Variants in ENAH observed in about 807,000 individuals in gnomAD.
ENAH encodes the protein protein enabled homolog.
A neutral mutation model predicts 78.7 loss-of-function variants in ENAH; 23 were observed. The ratio of observed to expected loss-of-function variants is 0.29; its 90% CI spans 0.21 to 0.41. The LOEUF is 0.41. Among genes scored for constraint, ENAH ranks in the 10% least tolerant of loss-of-function variants. The pLI is 1.00. For missense variants in ENAH, 544 were observed against 691.0 expected (o/e 0.79, Z 2.39); for synonymous variants, 226 against 241.0 (o/e 0.94, Z 0.58).
intron 4 of ENAH, among the ~76,000 whole-genome samples, chr1:225,529,864 G>A (rs2096529294): frequency 6.6e-6 from 1 of 152,152 alleles, no homozygotes; most frequent in African/African-American, 2.4e-5. Flanking sequence ...CTCCTCCCCT[G>A]TCCTCCCCAA....
rs1279574660 is a variant in ENAH, at chr1:225,567,254, G to A, written c.166C>T (p.His56Tyr). The change falls in exon 2 of 14, where the codon CAT becomes TAT. Residue 56 changes from histidine to tyrosine, a missense_variant. By Grantham distance (83) the His-to-Tyr change is moderately conservative. Coordinates refer to ENST00000366843, the MANE Select transcript of ENAH (RefSeq NM_018212.6). ...FRVVGRKIQD[H>Y]QVVINCAIPK... Reference sequence around the variant, plus strand: ...CAATTGTAGTAAAGCCTTACCTGATGGTCCTGAATCTTCCTGCCCACCACT... The same window carrying A: ...CAATTGTAGTAAAGCCTTACCTGATAGTCCTGAATCTTCCTGCCCACCACT... 2.5e-6 allele frequency: 4 copies of A among 1,613,058 alleles called. No individual in the cohort carries two copies. The African/African-American group carries it at 4.0e-5, about 16-fold the overall frequency.
At chr1:225,599,058 A>T (rs1272837933) in intron 1 of ENAH, among the ~76,000 whole-genome samples, 1 of 152,186 alleles carries the variant, frequency 6.6e-6, no homozygotes, top group Non-Finnish European at 1.5e-5. Context: ...CAGATGATGG[A>T]CTGAAAAGAA....
intron 1 of ENAH, among the ~76,000 whole-genome samples, chr1:225,608,714 GC>G (rs2096970711): frequency 6.6e-6 from 1 of 150,562 alleles, no homozygotes; most frequent in Non-Finnish European, 1.5e-5. Flanking sequence ...CACTCAGGAG[GC>G]TGAGGCAGGA....
rs1009406460 is a variant in ENAH at position 225,508,370 on chromosome 1, T to C, written c.1472-353A>G. ...TTAAAATTAGGATAGTTCAATTAATTAAAATGGAATAGTATTACCGACACT... is the reference window on the plus strand; with the variant it reads ...TTAAAATTAGGATAGTTCAATTAATCAAAATGGAATAGTATTACCGACACT... On this transcript the variant is annotated intron_variant, in intron 10 of 13. Transcript: ENST00000366843. 3 of 156,830 alleles carry C rather than the reference T, an allele frequency of 1.9e-5. No homozygotes were observed. The Admixed American group carries it at 1.9e-4, about 10-fold the overall frequency. 9.7% of individuals were successfully genotyped at this position (156,830 alleles called of 1,614,324 possible).
chr1:225,612,835 T>C (rs1444818690), intron 1 of ENAH, among the ~76,000 whole-genome samples: 1 of 145,886 alleles, frequency 6.9e-6, no homozygotes, highest in Non-Finnish European at 1.5e-5. Context: ...ATACTTACAA[T>C]AATGCAAAAA....
intron 5 of ENAH, 34 bp downstream of exon 5, chr1:225,519,164 T>A: frequency 6.2e-7 from 1 of 1,602,218 alleles, no homozygotes; most frequent in Non-Finnish European, 8.5e-7. Context: ...CAAGCTCAGA[T>A]ACAAGAACAC....
intron 4 of ENAH, 102 bp from the exon 5 acceptor site, chr1:225,519,667 G>A: frequency 6.8e-7 from 1 of 1,477,168 alleles, no homozygotes; most frequent in Non-Finnish European, 9.0e-7. Context: ...TCAAATAAAA[G>A]CAATGTAGAG....
chr1:225,614,468 T>C (rs1260917222), intron 1 of ENAH, among the ~76,000 whole-genome samples: 2 of 152,222 alleles, frequency 1.3e-5, no homozygotes, highest in African/African-American at 4.8e-5. Flanking sequence ...ACCTGGGATG[T>C]ACCCCCAATC....
intron 1 of ENAH, among the ~76,000 whole-genome samples, chr1:225,573,864 A>T (rs1301674213): frequency 2.0e-5 from 3 of 152,198 alleles, no homozygotes; most frequent in African/African-American, 7.2e-5. Flanking sequence ...TGTCTTCATC[A>T]TCTTTGAAAA....
intron 1 of ENAH, among the ~76,000 whole-genome samples, chr1:225,618,218 A>T (rs1246407516): frequency 6.6e-6 from 1 of 152,192 alleles, no homozygotes; most frequent in African/African-American, 2.4e-5. Flanking sequence ...CCCGGAGGAA[A>T]ATGACAATTC....
chr1:225,569,847 C>T (rs2096752083), intron 1 of ENAH, among the ~76,000 whole-genome samples: 1 of 152,120 alleles, frequency 6.6e-6, no homozygotes, highest in Admixed American at 6.5e-5. Context: ...TAGTAATTGC[C>T]ATGTGGGTAT....
intron 4 of ENAH, among the ~76,000 whole-genome samples, chr1:225,530,182 A>G (rs1046118286): frequency 1.3e-4 from 20 of 152,194 alleles, no homozygotes; most frequent in African/African-American, 4.6e-4. Flanking sequence ...ACAGCCAACA[A>G]TATTTCAACT....
At chr1:225,563,134 G>A (rs889429100) in intron 2 of ENAH, among the ~76,000 whole-genome samples, 14 of 152,126 alleles carry the variant, frequency 9.2e-5, no homozygotes, top group Non-Finnish European at 1.2e-4. Flanking sequence ...TTTATATACT[G>A]ATCACGTAAC....
chr1:225,626,619 A>T (rs967935958), intron 1 of ENAH, among the ~76,000 whole-genome samples: 20 of 152,266 alleles, frequency 1.3e-4, no homozygotes, highest in African/African-American at 4.6e-4. Context: ...AGGCTCCAAA[A>T]CTGTGAGAAA....
At chr1:225,512,606 G>C in intron 9 of ENAH, 51 bp downstream of exon 9, 1 of 1,535,486 alleles carries the variant, frequency 6.5e-7, no homozygotes, top group Non-Finnish European at 8.9e-7. Context: ...TGAATGAGCT[G>C]TGCCTGAATT....
chr1:225,605,927 G>T (rs2096953393), intron 1 of ENAH, among the ~76,000 whole-genome samples: 1 of 152,144 alleles, frequency 6.6e-6, no homozygotes, highest in Non-Finnish European at 1.5e-5. Context: ...GGAAAGTACT[G>T]TTTAAGCCAC....
chr1:225,497,662 C>T lies in ENAH; in HGVS notation c.*113G>A. 9.5e-7 allele frequency: 1 copy of T among 1,058,034 alleles called. No homozygotes were observed. The highest frequency in any genetic ancestry group is 1.4e-6 in the Non-Finnish European group (1 of 733,298). The allele number at this position is 1,058,034 out of a possible 1,614,324, so 65.5% of individuals were successfully genotyped here. On this transcript the variant is annotated 3_prime_UTR_variant, in exon 14 of 14. Coordinates refer to ENST00000366843, the MANE Select transcript of ENAH (RefSeq NM_018212.6). ...TTGGTTTTTCCCTCCTTCTGTTTGT[C>T]TCCATTTTCTTCTTACAGCTCATAA...
intron 10 of ENAH, among the ~76,000 whole-genome samples, chr1:225,509,663 T>C (rs1428682437): frequency 6.6e-6 from 1 of 152,148 alleles, no homozygotes; most frequent in Non-Finnish European, 1.5e-5. Flanking sequence ...TTCAGTGGAT[T>C]AAATGTCCAC....
At chr1:225,559,843 C>T (rs929325654) in intron 2 of ENAH, among the ~76,000 whole-genome samples, 1 of 152,128 alleles carries the variant, frequency 6.6e-6, no homozygotes, top group Non-Finnish European at 1.5e-5. Context: ...CCAACTCACG[C>T]CTTCTACACT....
Sources: allele counts gnomAD v4.1 joint callset (sites outside exome capture counted in the v4.1 genomes callset), GRCh38; gene constraint gnomAD v4.1.1; transcripts MANE v1.5; gene names NCBI Gene and HGNC (gene_info 2026-07-23, HGNC 2026-07-21).